The following SDC2 variants were observed in gnomAD, a reference collection of about 807,000 sequenced individuals.
SDC2 encodes the protein syndecan-2.
Under a neutral mutation model 22.2 loss-of-function variants are expected in SDC2, and 13 were observed. The ratio of observed to expected loss-of-function variants is 0.59; its 90% CI spans 0.38 to 0.93. The LOEUF (loss-of-function observed/expected upper bound fraction) is 0.93, where lower values mean the gene tolerates loss of function less well. Among genes scored for constraint, SDC2 ranks in the 40% least tolerant of loss-of-function variants. The pLI, the probability that SDC2 is intolerant of heterozygous loss-of-function variation, is 0.00. For missense variants in SDC2, 235 were observed against 246.8 expected, an observed-to-expected ratio of 0.95 and a Z score of 0.32; for synonymous variants, 94 against 92.8, an observed-to-expected ratio of 1.01 and a Z score of -0.07.
intron 1 of SDC2, among the ~76,000 whole-genome samples, chr8:96,516,956 A>C (rs963733121): frequency 4.6e-5 from 7 of 152,198 alleles, no homozygotes; most frequent in Non-Finnish European, 1.0e-4. Context: ...CTGAGTATAT[A>C]TACCTACGAG....
chr8:96,542,604 T>G (rs1813869232), intron 1 of SDC2, among the ~76,000 whole-genome samples: 1 of 152,048 alleles, frequency 6.6e-6, no homozygotes, highest in African/African-American at 2.4e-5. Flanking sequence ...GACCTGAACT[T>G]AGCATCCCGG....
intron 1 of SDC2, among the ~76,000 whole-genome samples, chr8:96,546,782 G>A (rs528860855): frequency 4.6e-5 from 7 of 152,172 alleles, no homozygotes; most frequent in Non-Finnish European, 1.0e-4. Context: ...TGTGTGAATG[G>A]ATTTCTCAAG....
At chr8:96,522,070 C>G (rs1238543031) in intron 1 of SDC2, among the ~76,000 whole-genome samples, 1 of 152,142 alleles carries the variant, frequency 6.6e-6, no homozygotes, top group Non-Finnish European at 1.5e-5. Context: ...CTGCAAAACT[C>G]AAGTGAAAAT....
At chr8:96,603,934 T>C (rs2651478) in intron 3 of SDC2, among the ~76,000 whole-genome samples, 30,291 of 152,156 alleles carry the variant, frequency 0.2, 3,405 homozygotes, top group South Asian at 0.36. Context: ...AATGTTTCAG[T>C]TGAGTGAATG....
chr8:96,548,054 C>T (rs150427378), intron 1 of SDC2, among the ~76,000 whole-genome samples: 145 of 152,302 alleles, frequency 9.5e-4, no homozygotes, highest in African/African-American at 3.2e-3. Context: ...TGAGCCACCA[C>T]GCCAAGTCCT....
intron 1 of SDC2, among the ~76,000 whole-genome samples, chr8:96,572,005 G>T (rs1281310899): frequency 2.0e-5 from 3 of 152,164 alleles, no homozygotes; most frequent in Non-Finnish European, 4.4e-5. Flanking sequence ...AGGGTTGTTA[G>T]GAAGGTAAAT....
At chr8:96,595,601 G>A (rs980544335) in intron 2 of SDC2, among the ~76,000 whole-genome samples, 7 of 151,498 alleles carry the variant, frequency 4.6e-5, no homozygotes, top group Non-Finnish European at 7.4e-5. Flanking sequence ...TTCCTACTTC[G>A]CAGATCTTAG....
At chr8:96,530,244 C>T (rs1190520354) in intron 1 of SDC2, among the ~76,000 whole-genome samples, 2 of 152,144 alleles carry the variant, frequency 1.3e-5, no homozygotes, top group Non-Finnish European at 2.9e-5. Context: ...TCATTATAAC[C>T]TTTCAGCAGA....
chr8:96,593,649 T>G (rs1051373370), intron 2 of SDC2, 58 bp downstream of exon 2: 1 of 1,096,602 alleles, frequency 9.1e-7, no homozygotes, highest in African/African-American at 1.5e-5. Flanking sequence ...CGCACACACA[T>G]TTTACTGTGC....
At chr8:96,512,187 G>T (rs1002584126) in intron 1 of SDC2, among the ~76,000 whole-genome samples, 2 of 152,210 alleles carry the variant, frequency 1.3e-5, no homozygotes, top group African/African-American at 4.8e-5. Context: ...AAGGTACTAT[G>T]CGGGCTGGGA....
intron 1 of SDC2, among the ~76,000 whole-genome samples, chr8:96,531,119 C>T (rs1205660244): frequency 1.3e-5 from 2 of 152,204 alleles, no homozygotes; most frequent in African/African-American, 4.8e-5. Flanking sequence ...TGATCTAACC[C>T]AACCCTGCCA....
At chr8:96,604,972 C>T (rs745587579) in intron 3 of SDC2, among the ~76,000 whole-genome samples, 1 of 152,172 alleles carries the variant, frequency 6.6e-6, no homozygotes, top group Non-Finnish European at 1.5e-5. Flanking sequence ...CACCCAGAGC[C>T]GCTTGAGGCT....
In SDC2 at chr8:96,494,346, C is replaced by T. The variant is rs751150588; in HGVS notation, c.60+15C>T. The T allele has an allele frequency of 6.5e-7, 1 of 1,538,506 alleles. No homozygotes were observed. The highest frequency in any genetic ancestry group is 1.4e-5 in the African/African-American group (1 of 73,142). On this transcript the variant is annotated intron_variant, in intron 1 of 4. Transcript: ENST00000302190. Reference sequence around the variant, plus strand: ...CGGCGGAGTCGGTGAGTGGGCCAGGCGGAGGATGCGCGCGCCGTTTAGGGT... The same window carrying T: ...CGGCGGAGTCGGTGAGTGGGCCAGGTGGAGGATGCGCGCGCCGTTTAGGGT...
At chr8:96,494,700 G>A (rs1813021656) in intron 1 of SDC2, among the ~76,000 whole-genome samples, 1 of 152,150 alleles carries the variant, frequency 6.6e-6, no homozygotes, top group South Asian at 2.1e-4. Flanking sequence ...GGGCCCGCGA[G>A]GGAACGGCTC....
At chr8:96,562,451 G>A (rs1319903040) in intron 1 of SDC2, among the ~76,000 whole-genome samples, 1 of 152,150 alleles carries the variant, frequency 6.6e-6, no homozygotes, top group African/African-American at 2.4e-5. Context: ...TAGGATGCCA[G>A]GGAGTTGGCA....
At chr8:96,559,706 C>G (rs1388595351) in intron 1 of SDC2, among the ~76,000 whole-genome samples, 1 of 151,950 alleles carries the variant, frequency 6.6e-6, no homozygotes, top group Non-Finnish European at 1.5e-5. Context: ...GCAAGTAGGT[C>G]TTGTAGTCTC....
chr8:96,532,443 C>CTTTTTTT (rs1563651013), intron 1 of SDC2, among the ~76,000 whole-genome samples: 9 of 72,558 alleles, frequency 1.2e-4, no homozygotes, highest in African/African-American at 6.2e-4. Context: ...TTTGGTAGGG[C>CTTTTTTT]TTTGTTTGGG....
Position 96,594,068 on chromosome 8 carries a change from G to T in SDC2, c.172+477G>T, listed in dbSNP as rs1814831022. Among the ~76,000 whole-genome samples, 2 of 152,088 alleles carry T rather than the reference G, an allele frequency of 1.3e-5. 1 individual carries two copies. The highest frequency in any genetic ancestry group is 4.1e-4 in the South Asian group (2 of 4,830). On this transcript the variant is annotated intron_variant, in intron 2 of 4. Transcript: ENST00000302190. The stretch of plus-strand genomic sequence containing the variant: ...AAGTTAATACGTTTTTATTCCTAGG[G>T]TATTGTAGGAGGAAAATGCAGCAGC...
At chr8:96,533,545 C>T (rs1401885696) in intron 1 of SDC2, among the ~76,000 whole-genome samples, 1 of 151,298 alleles carries the variant, frequency 6.6e-6, no homozygotes, top group Non-Finnish European at 1.5e-5. Context: ...AAAGGTTCTC[C>T]AAGTCCCCAC....
Sources: allele counts gnomAD v4.1 joint callset (sites outside exome capture counted in the v4.1 genomes callset), GRCh38; gene constraint gnomAD v4.1.1; transcripts MANE v1.5; gene names NCBI Gene and HGNC (gene_info 2026-07-23, HGNC 2026-07-21).